Variants in SEZ6L observed in about 807,000 individuals in gnomAD.
SEZ6L encodes seizure 6-like protein.
SEZ6L carries 37 observed loss-of-function variants against 106.2 expected under a neutral mutation model. The ratio of observed to expected loss-of-function variants is 0.35; its 90% CI spans 0.27 to 0.46. SEZ6L has a LOEUF of 0.46. Among genes scored for constraint, SEZ6L ranks in the 20% least tolerant of loss-of-function variants. SEZ6L has a pLI of 1.00. For synonymous variants in SEZ6L, 541 were observed against 570.4 expected, an observed-to-expected ratio of 0.95 and a Z score of 0.73; for missense variants, 1,172 against 1,332.8, an observed-to-expected ratio of 0.88 and a Z score of 1.88.
rs560660213 is a variant in SEZ6L, at chr22:26,359,340, T to G, written c.2600-6032T>G. Among the ~76,000 whole-genome samples, 7 of 152,306 alleles carry G rather than the reference T, an allele frequency of 4.6e-5. No individual in the cohort carries two copies. In the South Asian group the frequency reaches 1.2e-3, roughly 27 times the overall value. ...CTTGAGGGGACTTTTCACCAGTGAG[T>G]TCCACCTGAGCCTCAGTTTTCTCAT... On this transcript the variant is annotated intron_variant, in intron 12 of 16. Coordinates refer to ENST00000248933, the MANE Select transcript of SEZ6L (RefSeq NM_021115.5).
chr22:26,305,859 G>C (rs566290725), intron 5 of SEZ6L, 120 bp from the exon 6 acceptor site: 1 of 1,089,450 alleles, frequency 9.2e-7, no homozygotes, highest in African/African-American at 1.6e-5. Flanking sequence ...CAGGGGTGGG[G>C]ATCAGGGGAG....
chr22:26,230,864 G>A (rs1195933910), intron 1 of SEZ6L, among the ~76,000 whole-genome samples: 1 of 152,234 alleles, frequency 6.6e-6, no homozygotes, highest in African/African-American at 2.4e-5. Flanking sequence ...AGCAGCTGAA[G>A]TATAGTGAGC....
chr22:26,266,498 G>A (rs1482843434), intron 1 of SEZ6L, among the ~76,000 whole-genome samples: 10 of 151,524 alleles, frequency 6.6e-5, no homozygotes, highest in South Asian at 2.1e-4. Flanking sequence ...GCGTGAACCC[G>A]GGAGACGGAG....
intron 3 of SEZ6L, among the ~76,000 whole-genome samples, chr22:26,295,408 G>C (rs137208): frequency 0.31 from 47,600 of 152,054 alleles, 8,149 homozygotes; most frequent in Non-Finnish European, 0.38. Context: ...AGCTGGGGCA[G>C]GTGTATGACC....
At chr22:26,203,941 T>C (rs1309888465) in intron 1 of SEZ6L, among the ~76,000 whole-genome samples, 1 of 152,164 alleles carries the variant, frequency 6.6e-6, no homozygotes, top group African/African-American at 2.4e-5. Context: ...TTGCCCTACA[T>C]TTGATGAGGC....
intron 1 of SEZ6L, among the ~76,000 whole-genome samples, chr22:26,206,387 T>C (rs1022897195): frequency 6.6e-6 from 1 of 152,260 alleles, no homozygotes; most frequent in Non-Finnish European, 1.5e-5. Context: ...AAACATTGAA[T>C]TAAGTGCTTA....
At chr22:26,209,748 G>A (rs1013345872) in intron 1 of SEZ6L, among the ~76,000 whole-genome samples, 1 of 144,840 alleles carries the variant, frequency 6.9e-6, no homozygotes, top group Non-Finnish European at 1.5e-5. Context: ...AGGGAGAGAG[G>A]AGAGAAGGAA....
At chr22:26,292,072 G>T (rs1601402137) in intron 1 of SEZ6L, among the ~76,000 whole-genome samples, 2 of 146,452 alleles carry the variant, frequency 1.4e-5, no homozygotes, top group African/African-American at 5.1e-5. Flanking sequence ...AATGAAGGAA[G>T]AAAATGAAGG....
chr22:26,287,113 C>T (rs1255935388), intron 1 of SEZ6L, among the ~76,000 whole-genome samples: 1 of 151,654 alleles, frequency 6.6e-6, no homozygotes, highest in Non-Finnish European at 1.5e-5. Flanking sequence ...CCCATCTCCC[C>T]ATCAAAGTTA....
chr22:26,258,449 C>T (rs1332643994), intron 1 of SEZ6L, among the ~76,000 whole-genome samples: 1 of 152,156 alleles, frequency 6.6e-6, no homozygotes, highest in Non-Finnish European at 1.5e-5. Context: ...AGCAATTAAC[C>T]AGATGCAAAA....
At chr22:26,302,822 G>C (rs1263018026) in intron 5 of SEZ6L, among the ~76,000 whole-genome samples, 2 of 152,212 alleles carry the variant, frequency 1.3e-5, no homozygotes, top group African/African-American at 4.8e-5. Flanking sequence ...CCATCAGTTG[G>C]CTTAATCAGG....
At chr22:26,207,650 C>T (rs535149354) in intron 1 of SEZ6L, among the ~76,000 whole-genome samples, 1 of 152,086 alleles carries the variant, frequency 6.6e-6, no homozygotes, top group South Asian at 2.1e-4. Flanking sequence ...TTTAGAATTA[C>T]ATTTTAATTT....
At chr22:26,369,439 A>T (rs540492669) in intron 13 of SEZ6L, among the ~76,000 whole-genome samples, 2 of 147,276 alleles carry the variant, frequency 1.4e-5, no homozygotes, top group South Asian at 2.2e-4. Flanking sequence ...TCCCGCATTC[A>T]CGCCATTTCT....
In SEZ6L at chr22:26,325,687, G is replaced by C. The variant is rs113516205; in HGVS notation, c.2015+11785G>C. Among the ~76,000 whole-genome samples, 455 of 152,188 alleles carry C rather than the reference G, an allele frequency of 3.0e-3. 2 individuals carry two copies. Among genetic ancestry groups the C allele is most frequent in the Admixed American group, 5.3e-3 (81 of 15,296 alleles). ...TTCACTGAGTGGCTGTGTGACCTTG[G>C]ATAAAGTCACCCCACTTCTCTGGAC... On this transcript the variant is annotated intron_variant, in intron 9 of 16. Transcript: ENST00000248933.
In SEZ6L at chr22:26,369,354, T is replaced by TTTTTTTTTTTTTTTTTTTTTTTTTTTTG. The variant is rs1568952186; in HGVS notation, c.2794+3791_2794+3792insTTTTTTTTTTTTTTTTTTTTTTTTGTTT. On this transcript the variant is annotated intron_variant, in intron 13 of 16. Coordinates refer to ENST00000248933, the MANE Select transcript of SEZ6L (RefSeq NM_021115.5). Reference sequence around the variant, plus strand: ...ATATAAGCAGTTCTTTTGTTTTTTTTTTTGAGACAGATTCTCGCTCTGTCC... The same window carrying TTTTTTTTTTTTTTTTTTTTTTTTTTTTG: ...ATATAAGCAGTTCTTTTGTTTTTTTTTTTTTTTTTTTTTTTTTTTTTTTTTTTGTTTGAGACAGATTCTCGCTCTGTCC... Among the ~76,000 whole-genome samples, 4 of 118,654 alleles carry TTTTTTTTTTTTTTTTTTTTTTTTTTTTG rather than the reference T, an allele frequency of 3.4e-5. 2 individuals are homozygous for TTTTTTTTTTTTTTTTTTTTTTTTTTTTG. Among genetic ancestry groups the TTTTTTTTTTTTTTTTTTTTTTTTTTTTG allele is most frequent in the Admixed American group, 1.9e-4 (2 of 10,686 alleles). The allele number at this position is 118,654 out of a possible 152,430, so 77.8% of individuals were successfully genotyped here.
chr22:26,197,992 C>T (rs1940687937), intron 1 of SEZ6L, among the ~76,000 whole-genome samples: 1 of 152,208 alleles, frequency 6.6e-6, no homozygotes, highest in Admixed American at 6.5e-5. Context: ...GCTTTGGTGA[C>T]ACCAGATCTC....
chr22:26,348,650 G>GAAAGAAAGAAAGAAAGAAAGAA (rs2083126851), intron 11 of SEZ6L, among the ~76,000 whole-genome samples: 2 of 18,882 alleles, frequency 1.1e-4, no homozygotes, highest in South Asian at 2.0e-3. Flanking sequence ...GAAAGAAAAA[G>GAAAGAAAGAAAGAAAGAAAGAA]AAAGAAAGAA....
chr22:26,288,553 A>G (rs1438963909), intron 1 of SEZ6L, among the ~76,000 whole-genome samples: 1 of 152,230 alleles, frequency 6.6e-6, no homozygotes, highest in Admixed American at 6.5e-5. Context: ...TTGGGGTCAT[A>G]AAAACCAAGA....
rs533571031 is a variant in SEZ6L, at chr22:26,224,015, C to A, written c.94+54252C>A. On this transcript the variant is annotated intron_variant, in intron 1 of 16. Coordinates refer to ENST00000248933, the MANE Select transcript of SEZ6L (RefSeq NM_021115.5). ...TTAAATTGGCCTCGTTATTAAGCATCAAGGGATCAATGGTGGACTCAGTGG... is the reference window on the plus strand; with the variant it reads ...TTAAATTGGCCTCGTTATTAAGCATAAAGGGATCAATGGTGGACTCAGTGG... Among the ~76,000 whole-genome samples, 13 of 152,186 alleles carry A rather than the reference C, an allele frequency of 8.5e-5. No homozygotes were observed. In the East Asian group the frequency reaches 2.5e-3, roughly 29 times the overall value.
Sources: gnomAD v4.1 joint callset for allele counts (sites outside exome capture counted in the v4.1 genomes callset) on GRCh38, gnomAD v4.1.1 for gene constraint, MANE v1.5 for transcripts, NCBI Gene and HGNC (gene_info 2026-07-23, HGNC 2026-07-21) for gene names.